The following NUP210 variants were observed in gnomAD, a reference collection of about 807,000 sequenced individuals.
NUP210 encodes nuclear pore membrane glycoprotein 210.
Under a neutral mutation model 196.0 loss-of-function variants are expected in NUP210, and 151 were observed. The observed-to-expected ratio is 0.77, with a 90% confidence interval of 0.67 to 0.88. The LOEUF is 0.88. Among genes scored for constraint, NUP210 ranks in the 40% least tolerant of loss-of-function variants. The probability of loss-of-function intolerance (pLI) is 0.00; values close to 1 mark genes in which losing one functional copy is unlikely to be tolerated. For synonymous variants in NUP210, 1,070 were observed against 1,052.7 expected (o/e 1.02, Z -0.32); for missense variants, 2,314 against 2,493.7 (o/e 0.93, Z 1.53).
chr3:13,327,441 G>A lies in NUP210; in HGVS notation c.4287-4C>T, dbSNP rs1696811289. On this transcript the variant is annotated splice_polypyrimidine_tract_variant and splice_region_variant and intron_variant, in intron 31 of 39. Transcript: ENST00000254508. Reference sequence around the variant, plus strand: ...CCCGATCTGCACAAAGTCGTCTCTAGGCACAGGAGAGAAAGGAGGGCTCTC... The same window carrying A: ...CCCGATCTGCACAAAGTCGTCTCTAAGCACAGGAGAGAAAGGAGGGCTCTC... The A allele has an allele frequency of 5.6e-6, 9 of 1,600,928 alleles. No homozygotes were observed. The East Asian group carries it at 2.0e-4, about 36-fold the overall frequency.
At chr3:13,388,729 C>T (rs946134865) in intron 4 of NUP210, among the ~76,000 whole-genome samples, 1 of 152,240 alleles carries the variant, frequency 6.6e-6, no homozygotes, top group East Asian at 1.9e-4. Flanking sequence ...CACACGCACA[C>T]GTGACGTAAA....
At chr3:13,326,048 C>A (rs893036370) in intron 32 of NUP210, 117 bp from the exon 33 acceptor site, 36 of 1,337,054 alleles carry the variant, frequency 2.7e-5, no homozygotes, top group Non-Finnish European at 3.2e-5. Flanking sequence ...CCCATGGGGG[C>A]TCACTCAGCA....
intron 10 of NUP210, 60 bp downstream of exon 10, chr3:13,376,231 T>A: frequency 6.3e-7 from 1 of 1,589,950 alleles, no homozygotes. Flanking sequence ...GGCTGACATT[T>A]CTGCCTACAG....
In NUP210 at chr3:13,345,131, G is replaced by A. The variant is rs1287125443; in HGVS notation, c.2836-1828C>T. 9 of 985,316 alleles carry A rather than the reference G, an allele frequency of 9.1e-6. No individual in the cohort carries two copies. The African/African-American group carries it at 1.0e-4, about 11-fold the overall frequency. The allele number at this position is 985,316 out of a possible 1,614,324, so 61.0% of individuals were successfully genotyped here. A position where few individuals can be genotyped will look rare whatever the true frequency, so the allele number is the denominator to read the frequency against. ...CTTGATTGGATGAAGATCCAGGGCC[G>A]CTGCTCTGAGTAATTCTGGATAAGG... On this transcript the variant is annotated intron_variant, in intron 20 of 39. Coordinates refer to ENST00000254508, the MANE Select transcript of NUP210 (RefSeq NM_024923.4).
chr3:13,329,568 G>A (rs1696913869), intron 30 of NUP210, among the ~76,000 whole-genome samples: 2 of 152,226 alleles, frequency 1.3e-5, no homozygotes, highest in African/African-American at 2.4e-5. Context: ...GAAATAGGAT[G>A]AGCAGTCAGT....
chr3:13,362,327 C>A (rs1698398204), intron 14 of NUP210, among the ~76,000 whole-genome samples: 1 of 152,170 alleles, frequency 6.6e-6, no homozygotes, highest in South Asian at 2.1e-4. Context: ...CTAATCACCC[C>A]TCAAAGGCCT....
rs1458077368 is a variant in NUP210, at chr3:13,420,252, C to T, written c.-26G>A. ...CCTCGCCGCGCGTCACCTCCCGCGA[C>T]CCTGCGCCCGGCCGCCCGCGCCGCC... On this transcript the variant is annotated 5_prime_UTR_variant, in exon 1 of 40. Transcript: ENST00000254508. This position sits in a 1 kb window ranked among gnomAD's most constrained non-coding sequence, Gnocchi z 4.8. 9.3e-7 allele frequency: 1 copy of T among 1,070,830 alleles called. No individual in the cohort carries two copies. Among genetic ancestry groups the T allele is most frequent in the Non-Finnish European group, 1.1e-6 (1 of 885,994 alleles). 66.3% of individuals were successfully genotyped at this position (1,070,830 alleles called of 1,614,324 possible).
In NUP210 at chr3:13,386,273, A is replaced by C. The variant is rs1699270154; in HGVS notation, c.817+2T>G. 6.2e-7 allele frequency: 1 copy of C among 1,612,756 alleles called. No homozygotes were observed. The highest frequency in any genetic ancestry group is 1.1e-5 in the South Asian group (1 of 90,702). On this transcript the variant is annotated splice_donor_variant, in intron 6 of 39. Transcript: ENST00000254508. LOFTEE classifies it high-confidence loss of function. ...GTCATGATGGCAGAGCCAATGACAC[A>C]CCTGTAATTTTCCCTTGCCTGATCT...
chr3:13,374,620 T>C (rs1451356529), intron 11 of NUP210, among the ~76,000 whole-genome samples: 1 of 152,030 alleles, frequency 6.6e-6, no homozygotes, highest in Non-Finnish European at 1.5e-5. Flanking sequence ...TGGTGGCACC[T>C]CCCAGAGCTC....
At position 13,358,242 on chromosome 3, in the gene NUP210, G is replaced by A. The variant is rs913167199; in HGVS notation, c.2308C>T (p.Leu770=). ...CTCACCACCTGCTTGTTCTGCTGCA[G>A]CAGCGGACAGGACATGTCCAGCTGG... ...SPQLDMSCPL[L]QQNKQVVPVS... The change falls in exon 16 of 40, where the codon CTG becomes TTG. Residue 770 remains leucine, a synonymous_variant. Coordinates refer to ENST00000254508, the MANE Select transcript of NUP210 (RefSeq NM_024923.4). The A allele has an allele frequency of 6.2e-7, 1 of 1,609,818 alleles. No individual in the cohort carries two copies. The highest frequency in any genetic ancestry group is 1.7e-5 in the Admixed American group (1 of 59,828).
At chr3:13,322,971 T>C (rs612429) in intron 34 of NUP210, among the ~76,000 whole-genome samples, 79,618 of 151,936 alleles carry the variant, frequency 0.52, 21,014 homozygotes, top group East Asian at 0.69. Context: ...TTAAAACCAG[T>C]GACGAGTCCT....
At chr3:13,326,362 ACAG>A (rs1696753888) in intron 32 of NUP210, among the ~76,000 whole-genome samples, 1 of 149,892 alleles carries the variant, frequency 6.7e-6, no homozygotes, top group Non-Finnish European at 1.5e-5. Context: ...CTTTTTAGCA[ACAG>A]ACAGCAGGTG....
In NUP210 at chr3:13,420,212, G is replaced by A. The variant is rs756167591; in HGVS notation, c.15C>T (p.Gly5=). The change falls in exon 1 of 40, where the codon GGC becomes GGT. Residue 5 remains glycine (G), a synonymous_variant. Transcript: ENST00000254508. The surrounding 1 kb of genome is among the most constrained non-coding windows in gnomAD (Gnocchi z 4.8). ...ACAGCGTCAGCAGCAGCAGCCCCCGGCCCCGCGCCGCCATCCTCGCCGCGC... is the reference window on the plus strand; with the variant it reads ...ACAGCGTCAGCAGCAGCAGCCCCCGACCCCGCGCCGCCATCCTCGCCGCGC... The part of the protein sequence containing the change: MAAR[G]RGLLLLTLSV... 4 of 1,162,044 alleles carry A rather than the reference G, an allele frequency of 3.4e-6. No individual in the cohort carries two copies. Among genetic ancestry groups the A allele is most frequent in the Admixed American group, 3.9e-5 (1 of 25,748 alleles). The allele number at this position is 1,162,044 out of a possible 1,614,324, so 72.0% of individuals were successfully genotyped here.
At chr3:13,365,914 G>C (rs1309080532) in intron 14 of NUP210, 32 bp downstream of exon 14, 7 of 1,612,586 alleles carry the variant, frequency 4.3e-6, no homozygotes, top group Non-Finnish European at 5.9e-6. Context: ...GAGTGGGCAG[G>C]GGGGTGGTAA....
chr3:13,389,507 G>A (rs1249456056), intron 4 of NUP210, among the ~76,000 whole-genome samples: 8 of 152,152 alleles, frequency 5.3e-5, no homozygotes, highest in Non-Finnish European at 1.2e-4. Context: ...GGCAGGAAGC[G>A]ACAAAGCCAG....
chr3:13,334,846 T>C (rs1196731162), intron 28 of NUP210, among the ~76,000 whole-genome samples: 1 of 152,178 alleles, frequency 6.6e-6, no homozygotes. Flanking sequence ...GACGCAGTCC[T>C]GACCCCTGGC....
intron 1 of NUP210, among the ~76,000 whole-genome samples, chr3:13,415,504 C>G (rs964384354): frequency 1.3e-5 from 2 of 152,150 alleles, no homozygotes; most frequent in Non-Finnish European, 2.9e-5. Context: ...GAGATTTGGC[C>G]TAGGTGTGTG....
At chr3:13,401,768 A>C (rs1699847300) in intron 1 of NUP210, among the ~76,000 whole-genome samples, 1 of 152,182 alleles carries the variant, frequency 6.6e-6, no homozygotes, top group South Asian at 2.1e-4. Context: ...GACAAATTAG[A>C]AAATTCACAC....
In NUP210 at chr3:13,340,759, C is replaced by A. The variant is rs543125524; in HGVS notation, c.3229-461G>T. On this transcript the variant is annotated intron_variant, in intron 23 of 39. Coordinates refer to ENST00000254508, the MANE Select transcript of NUP210 (RefSeq NM_024923.4). This position sits in a 1 kb window ranked among gnomAD's most constrained non-coding sequence, Gnocchi z 4.0. ...CTGCCGATATGGGAGCACCCAGACC[C>A]CCAGAGGTTGCTCTTCTAGCACACC... Among the ~76,000 whole-genome samples, 2 of 152,194 alleles carry A rather than the reference C, an allele frequency of 1.3e-5. No individual in the cohort carries two copies. The highest frequency in any genetic ancestry group is 3.9e-4 in the East Asian group (2 of 5,152).
Sources: gnomAD v4.1 joint callset for allele counts (sites outside exome capture counted in the v4.1 genomes callset) on GRCh38, gnomAD v4.1.1 for gene constraint, Gnocchi (gnomAD v3.1) non-coding constraint, MANE v1.5 for transcripts, NCBI Gene and HGNC (gene_info 2026-07-23, HGNC 2026-07-21) for gene names.